ADCY8: variants seen among roughly 807,000 people sequenced by gnomAD.
ADCY8 encodes adenylate cyclase type 8.
In ADCY8, 51 loss-of-function variants were observed where a neutral mutation model predicts 119.7. The ratio of observed to expected loss-of-function variants is 0.43; its 90% confidence interval spans 0.34 to 0.54. The LOEUF (loss-of-function observed/expected upper bound fraction) is 0.54, where lower values mean the gene tolerates loss of function less well. Among genes scored for constraint, ADCY8 ranks in the 20% least tolerant of loss-of-function variants. The pLI, the probability that ADCY8 is intolerant of heterozygous loss-of-function variation, is 0.03. For synonymous variants in ADCY8, 665 were observed against 651.0 expected, an observed-to-expected ratio of 1.02 and a Z score of -0.33; for missense variants, 1,383 against 1,598.8, an observed-to-expected ratio of 0.87 and a Z score of 2.30.
intron 4 of ADCY8, among the ~76,000 whole-genome samples, chr8:130,940,238 T>C (rs532491282): frequency 1.6e-4 from 25 of 152,276 alleles, no homozygotes; most frequent in Non-Finnish European, 3.5e-4. Context: ...GTTTGTCTGA[T>C]TGTGGGGCTC....
rs773358416 is a variant in ADCY8, at chr8:130,814,168, A to G, written c.2814T>C (p.Asn938=). The change falls in exon 14 of 18, where the codon AAT becomes AAC. Residue 938 remains asparagine (N), a synonymous_variant. Transcript: ENST00000286355. ...TGTGTTCCCTCAGCTCCTTCATCTC[A>G]TTGATCTCCTCTTTGGCCTGTACTC... The part of the protein sequence containing the change: ...LWRVQAKEEI[N]EMKELREHNE... 9 of 1,612,880 alleles carry G rather than the reference A, an allele frequency of 5.6e-6. No individual in the cohort carries two copies. In the South Asian group the frequency reaches 6.6e-5, roughly 12 times the overall value.
chr8:130,823,970 T>C (rs1321895822), intron 12 of ADCY8, among the ~76,000 whole-genome samples: 1 of 152,216 alleles, frequency 6.6e-6, no homozygotes, highest in Non-Finnish European at 1.5e-5. Flanking sequence ...TTCTAGTTCA[T>C]ATTATGTGCA....
chr8:131,035,559 T>TG (rs1326627349), intron 1 of ADCY8, among the ~76,000 whole-genome samples: 6 of 152,178 alleles, frequency 3.9e-5, no homozygotes, highest in Admixed American at 3.9e-4. Flanking sequence ...CACAGGGCTT[T>TG]GTCTCTTCAT....
chr8:130,807,547 T>A (rs1563672538), intron 14 of ADCY8, among the ~76,000 whole-genome samples: 1 of 152,184 alleles, frequency 6.6e-6, no homozygotes, highest in East Asian at 1.9e-4. Flanking sequence ...TTCTGGCTCT[T>A]ACACCATGTG....
At position 130,884,619 on chromosome 8, in the gene ADCY8, C is replaced by T; in HGVS notation, c.2054G>A (p.Arg685Lys). The T allele has an allele frequency of 6.2e-7, 1 of 1,613,856 alleles. No homozygotes were observed. The highest frequency in any genetic ancestry group is 8.5e-7 in the Non-Finnish European group (1 of 1,179,860). The change falls in exon 8 of 18, where the codon AGA (arginine) becomes AAA (lysine). Residue 685 changes from arginine (R) to lysine (K), a missense_variant. Physicochemically the swap from Arg to Lys is conservative, Grantham distance 26. Coordinates refer to ENST00000286355, the MANE Select transcript of ADCY8 (RefSeq NM_001115.3). ...CAGTGAGAATGGCTTGATATGCTCT[C>T]TTCTCAATTTATCGCCACTCCGCAA... ...IDLRSGDKLR[R>K]EHIKPFSLMF... is the part of the protein sequence containing the mutation.
chr8:130,799,806 T>C (rs965731760), intron 15 of ADCY8, among the ~76,000 whole-genome samples: 1 of 152,218 alleles, frequency 6.6e-6, no homozygotes, highest in Non-Finnish European at 1.5e-5. Context: ...TCTCAGTGAA[T>C]CACTTGCTTC....
Position 130,786,886 on chromosome 8 carries a change from G to C in ADCY8, c.3061-1411C>G, listed in dbSNP as rs183713854. ...AGGGTGAGGAGGGGTTTTTCTAGCA[G>C]TGAGTGTATGAGTTTGTGTGTGTTG... On this transcript the variant is annotated intron_variant, in intron 15 of 17. Coordinates refer to ENST00000286355, the MANE Select transcript of ADCY8 (RefSeq NM_001115.3). Among the ~76,000 whole-genome samples the C allele has an allele frequency of 4.0e-3, 609 of 152,200 alleles. 2 individuals carry two copies. Among genetic ancestry groups the C allele is most frequent in the Non-Finnish European group, 4.4e-3 (298 of 68,008 alleles).
At chr8:130,855,703 T>C (rs1350867543) in intron 9 of ADCY8, among the ~76,000 whole-genome samples, 1 of 152,024 alleles carries the variant, frequency 6.6e-6, no homozygotes, top group Non-Finnish European at 1.5e-5. Flanking sequence ...GGGCTCATCC[T>C]GGTCTTCTCC....
At chr8:130,878,376 G>A (rs1417583982) in intron 8 of ADCY8, among the ~76,000 whole-genome samples, 1 of 152,168 alleles carries the variant, frequency 6.6e-6, no homozygotes, top group Non-Finnish European at 1.5e-5. Context: ...GACTTGAACT[G>A]AGGTCTAGCT....
Position 130,903,832 on chromosome 8 carries a change from T to C in ADCY8, c.1851A>G (p.Thr617=), listed in dbSNP as rs1419518698. The C allele has an allele frequency of 6.2e-7, 1 of 1,613,812 alleles. No homozygotes were observed. The highest frequency in any genetic ancestry group is 1.1e-5 in the South Asian group (1 of 91,064). The change falls in exon 7 of 18, where the codon ACA becomes ACG. Residue 617 remains threonine, a synonymous_variant. Coordinates refer to ENST00000286355, the MANE Select transcript of ADCY8 (RefSeq NM_001115.3). ...CAGGGCTCCAGGATCCTTCAGTGAA[T>C]GTGGCCCCACTGTTTCTCCGGTCTG... ...SSSDRRNSGA[T]FTEGSWSPEL...
At chr8:130,782,833 A>G (rs1563661712) in intron 17 of ADCY8, among the ~76,000 whole-genome samples, 1 of 152,218 alleles carries the variant, frequency 6.6e-6, no homozygotes, top group Non-Finnish European at 1.5e-5. Context: ...GAAAGCTGCT[A>G]AGGGAGAAGC....
Position 130,927,436 on chromosome 8 carries a change from G to A in ADCY8, c.1481+9637C>T, listed in dbSNP as rs147753354. On this transcript the variant is annotated intron_variant, in intron 5 of 17. Coordinates refer to ENST00000286355, the MANE Select transcript of ADCY8 (RefSeq NM_001115.3). ...AGGTCCTTTGCCCATTTTAAAATCA[G>A]GTGATTGATTTTCTTGCTATTGAGT... 6.6e-4 allele frequency among the ~76,000 whole-genome samples: 100 copies of A among 152,142 alleles called. 1 individual carries two copies. The Middle Eastern group carries it at 0.017, about 26-fold the overall frequency.
rs1017698878 is a variant in ADCY8, at chr8:130,860,539, A to T, written c.2210+7307T>A. Among the ~76,000 whole-genome samples the T allele has an allele frequency of 9.8e-5, 15 of 152,320 alleles. No individual in the cohort carries two copies. The East Asian group carries it at 2.9e-3, about 29-fold the overall frequency. On this transcript the variant is annotated intron_variant, in intron 9 of 17. Transcript: ENST00000286355. Reference sequence around the variant, plus strand: ...AAATTTTATAGTTTTGCATTTGGGTATATAAACCATTTTGTGTTAATTTTT... The same window carrying T: ...AAATTTTATAGTTTTGCATTTGGGTTTATAAACCATTTTGTGTTAATTTTT...
rs1177085356 is a variant in ADCY8 at position 131,039,363 on chromosome 8, G to A, written c.960+11C>T. 6.2e-7 allele frequency: 1 copy of A among 1,610,368 alleles called. No homozygotes were observed. The highest frequency in any genetic ancestry group is 8.5e-7 in the Non-Finnish European group (1 of 1,177,146). On this transcript the variant is annotated intron_variant, in intron 1 of 17. Coordinates refer to ENST00000286355, the MANE Select transcript of ADCY8 (RefSeq NM_001115.3). ...TAGAGGGGAAACAAATGCAAGGCAGGCAGGAGTTACCTGGTTGATGGAAAT... is the reference window on the plus strand; with the variant it reads ...TAGAGGGGAAACAAATGCAAGGCAGACAGGAGTTACCTGGTTGATGGAAAT...
At chr8:130,816,358 A>G (rs991177550) in intron 13 of ADCY8, among the ~76,000 whole-genome samples, 2 of 151,900 alleles carry the variant, frequency 1.3e-5, no homozygotes, top group African/African-American at 4.8e-5. Flanking sequence ...GCTACCATTT[A>G]TCTAAGAAAG....
At chr8:130,814,713 C>G (rs188430867) in intron 13 of ADCY8, among the ~76,000 whole-genome samples, 100 of 152,272 alleles carry the variant, frequency 6.6e-4, no homozygotes, top group African/African-American at 2.3e-3. Context: ...CAGGGGAGCT[C>G]CCATTTATAA....
At chr8:130,816,841 G>A (rs948300398) in intron 13 of ADCY8, among the ~76,000 whole-genome samples, 3 of 152,118 alleles carry the variant, frequency 2.0e-5, no homozygotes, top group Admixed American at 1.3e-4. Context: ...AATAGGGTTA[G>A]AATTTAAATT....
intron 14 of ADCY8, among the ~76,000 whole-genome samples, chr8:130,805,359 GCAA>G (rs944230943): frequency 6.6e-6 from 1 of 152,148 alleles, no homozygotes; most frequent in African/African-American, 2.4e-5. Context: ...TATAATTATA[GCAA>G]CAACAACAGC....
At chr8:131,018,621 C>T (rs555537814) in intron 1 of ADCY8, among the ~76,000 whole-genome samples, 1 of 152,306 alleles carries the variant, frequency 6.6e-6, no homozygotes, top group Non-Finnish European at 1.5e-5. Flanking sequence ...CACTCTGAGA[C>T]TTTACCTGCA....
Sources: gnomAD v4.1 joint callset for allele counts (sites outside exome capture counted in the v4.1 genomes callset) on GRCh38, gnomAD v4.1.1 for gene constraint, MANE v1.5 for transcripts, NCBI Gene and HGNC (gene_info 2026-07-23, HGNC 2026-07-21) for gene names.